Variants in SOS1 observed in about 807,000 individuals in gnomAD.
SOS1 encodes the protein son of sevenless homolog 1.
A neutral mutation model predicts 157.6 loss-of-function variants in SOS1; 25 were observed. That is an observed-to-expected ratio of 0.16 (90% CI 0.12 to 0.22). The LOEUF (loss-of-function observed/expected upper bound fraction) is 0.22. Among genes scored for constraint, SOS1 ranks in the 10% least tolerant of loss-of-function variants. The pLI, the probability that SOS1 is intolerant of heterozygous loss-of-function variation, is 1.00. For missense variants in SOS1, 1,237 were observed against 1,599.1 expected, an observed-to-expected ratio of 0.77 and a Z score of 3.86; for synonymous variants, 528 against 534.0, an observed-to-expected ratio of 0.99 and a Z score of 0.16.
chr2:39,013,845 A>T (rs1197587383), intron 12 of SOS1, 22 bp downstream of exon 12: 7 of 1,602,110 alleles, frequency 4.4e-6, no homozygotes, highest in African/African-American at 1.3e-5. Flanking sequence ...AGACTTATTT[A>T]CTTCATTTAT....
At chr2:39,101,400 C>G (rs1364846899) in intron 1 of SOS1, among the ~76,000 whole-genome samples, 1 of 152,052 alleles carries the variant, frequency 6.6e-6, no homozygotes, top group East Asian at 1.9e-4. Context: ...GTCAAATATC[C>G]AAACTATATC....
At chr2:39,056,630 G>T in intron 4 of SOS1, 72 bp downstream of exon 4, 1 of 936,446 alleles carries the variant, frequency 1.1e-6, no homozygotes, top group Non-Finnish European at 1.8e-6. Context: ...TATTCTATAT[G>T]AATAGTACGT....
chr2:39,038,732 C>CCAAAAAAAAAAAAAAAAAAAAAAAA (rs1670445215), intron 6 of SOS1, among the ~76,000 whole-genome samples: 1 of 18,228 alleles, frequency 5.5e-5, no homozygotes, highest in East Asian at 1.3e-3. Flanking sequence ...GACTCCGTCT[C>CCAAAAAAAAAAAAAAAAAAAAAAAA]AAAAAAAAAA....
At chr2:39,071,630 G>A (rs1423596910) in intron 1 of SOS1, among the ~76,000 whole-genome samples, 1 of 152,056 alleles carries the variant, frequency 6.6e-6, no homozygotes, top group Non-Finnish European at 1.5e-5. Flanking sequence ...AATATCACAG[G>A]CCTTTGAAGA....
rs1558465722 is a variant in SOS1 at position 39,006,392 on chromosome 2, AT to A, written c.2791+19del. On this transcript the variant is annotated intron_variant, in intron 17 of 22. Transcript: ENST00000402219. ...TGTTTTATCCAGAAATGCAATAAAA[AT>A]TCAGAAAGAAATACTTACCAAAGAA... 1 of 1,131,982 alleles carries A rather than the reference AT, an allele frequency of 8.8e-7. No homozygotes were observed. 70.1% of individuals were successfully genotyped at this position (1,131,982 alleles called of 1,614,324 possible).
At position 38,982,838 on chromosome 2, in the gene SOS1, A is replaced by AG. The variant is rs1243400610; in HGVS notation, c.*2985dup. The AG allele has an allele frequency of 6.6e-6, 1 of 152,170 alleles. No individual in the cohort carries two copies. Among genetic ancestry groups the AG allele is most frequent in the African/African-American group, 2.4e-5 (1 of 41,450 alleles). The allele number at this position is 152,170 out of a possible 1,614,324, so 9.4% of individuals were successfully genotyped here. A position where few individuals can be genotyped will look rare whatever the true frequency, so the allele number is the denominator to read the frequency against. ...ACATAAGGTAATTTTTGATTTATGG[A>AG]GGGAAAAAAACCTTTAAGAATTTAG... On this transcript the variant is annotated 3_prime_UTR_variant, in exon 23 of 23. Transcript: ENST00000402219.
intron 6 of SOS1, among the ~76,000 whole-genome samples, chr2:39,044,352 A>C (rs1670679743): frequency 6.6e-6 from 1 of 152,088 alleles, no homozygotes; most frequent in Admixed American, 6.5e-5. Flanking sequence ...AGCCATGAGA[A>C]CTTTTGTTAT....
intron 1 of SOS1, 97 bp downstream of exon 1, chr2:39,120,239 G>C: frequency 9.0e-7 from 1 of 1,117,246 alleles, no homozygotes; most frequent in Non-Finnish European, 1.2e-6. Context: ...AGACCGGGAA[G>C]AAAGACGGCC....
intron 10 of SOS1, among the ~76,000 whole-genome samples, chr2:39,016,294 G>A (rs1320911603): frequency 2.6e-5 from 4 of 151,910 alleles, no homozygotes; most frequent in Admixed American, 6.6e-5. Context: ...CCCCTTCTCC[G>A]TTAGCTTTAT....
At position 39,060,935 on chromosome 2, in the gene SOS1, A is replaced by G. The variant is rs568837893; in HGVS notation, c.214-2131T>C. On this transcript the variant is annotated intron_variant, in intron 2 of 22. Transcript: ENST00000402219. ...TTCTAAATAGAGTTACATGTCTTTG[A>G]AAAAAAAAAAAAATCACCAGCGGTG... Among the ~76,000 whole-genome samples the G allele has an allele frequency of 2.4e-4, 30 of 123,870 alleles. No homozygotes were observed. The East Asian group carries it at 5.0e-3, about 21-fold the overall frequency. The allele number at this position is 123,870 out of a possible 152,430, so 81.3% of individuals were successfully genotyped here. A position where few individuals can be genotyped will look rare whatever the true frequency, so the allele number is the denominator to read the frequency against.
At chr2:39,112,968 G>A (rs1423668544) in intron 1 of SOS1, among the ~76,000 whole-genome samples, 1 of 151,942 alleles carries the variant, frequency 6.6e-6, no homozygotes, top group African/African-American at 2.4e-5. Flanking sequence ...CCTGGGAGGT[G>A]GAGGCTACAG....
intron 1 of SOS1, among the ~76,000 whole-genome samples, chr2:39,114,498 T>C (rs1673571351): frequency 3.9e-5 from 6 of 152,042 alleles, no homozygotes; most frequent in Admixed American, 3.9e-4. Context: ...AGATGGGGTT[T>C]CTCCATGTTG....
intron 6 of SOS1, among the ~76,000 whole-genome samples, chr2:39,038,257 T>G (rs985571039): frequency 6.6e-6 from 1 of 152,060 alleles, no homozygotes; most frequent in African/African-American, 2.4e-5. Context: ...TTGGAAGAAG[T>G]TGATTCCAAC....
At chr2:39,045,074 A>C (rs1290570986) in intron 6 of SOS1, among the ~76,000 whole-genome samples, 3 of 152,180 alleles carry the variant, frequency 2.0e-5, no homozygotes, top group Non-Finnish European at 4.4e-5. Flanking sequence ...AGGGTATTGT[A>C]ATGTACCCTG....
intron 1 of SOS1, among the ~76,000 whole-genome samples, chr2:39,097,559 C>CTTT (rs141309255): frequency 1.4e-5 from 2 of 143,730 alleles, no homozygotes; most frequent in Non-Finnish European, 1.5e-5. Flanking sequence ...TCTTTTTTTT[C>CTTT]TTTTTTTTTT....
chr2:38,989,156 A>T, intron 21 of SOS1, 114 bp downstream of exon 21: 1 of 736,246 alleles, frequency 1.4e-6, no homozygotes, highest in Non-Finnish European at 2.5e-6. Flanking sequence ...AGGATGTTGC[A>T]AGCAAGGTAC....
At position 39,014,585 on chromosome 2, in the gene SOS1, A is replaced by G. The variant is rs1669572132; in HGVS notation, c.1940+180T>C. ...CACATACAAAAAAGAATATTTTTGT[A>G]TTGAAATAATAAAAGCTAACATTAT... On this transcript the variant is annotated intron_variant, in intron 11 of 22. Transcript: ENST00000402219. Among the ~76,000 whole-genome samples the G allele has an allele frequency of 2.6e-5, 4 of 152,092 alleles. No individual in the cohort carries two copies. In the South Asian group the frequency reaches 8.3e-4, roughly 32 times the overall value.
intron 1 of SOS1, among the ~76,000 whole-genome samples, chr2:39,084,048 G>C (rs1244488498): frequency 6.6e-6 from 1 of 152,120 alleles, no homozygotes; most frequent in Non-Finnish European, 1.5e-5. Context: ...CAGACCACGT[G>C]AAGAAACAGG....
chr2:39,114,298 C>CTT (rs747826503), intron 1 of SOS1, among the ~76,000 whole-genome samples: 4 of 143,898 alleles, frequency 2.8e-5, no homozygotes, highest in Non-Finnish European at 3.1e-5. Context: ...TTGTTCTTTT[C>CTT]TTTTTTTTTT....
Sources: allele counts gnomAD v4.1 joint callset (sites outside exome capture counted in the v4.1 genomes callset), GRCh38; gene constraint gnomAD v4.1.1; transcripts MANE v1.5; gene names NCBI Gene and HGNC (gene_info 2026-07-23, HGNC 2026-07-21).